The following ATP2B1 variants were observed in gnomAD, a reference collection of about 807,000 sequenced individuals.
The protein encoded by ATP2B1 is plasma membrane calcium-transporting ATPase 1.
A neutral mutation model predicts 124.2 loss-of-function variants in ATP2B1; 14 were observed. That is an observed-to-expected ratio of 0.11 (90% CI 0.07 to 0.18). The LOEUF (loss-of-function observed/expected upper bound fraction) is 0.18. Among genes scored for constraint, ATP2B1 ranks in the 10% least tolerant of loss-of-function variants. ATP2B1 has a pLI of 1.00. For synonymous variants in ATP2B1, 449 were observed against 492.4 expected, an observed-to-expected ratio of 0.91 and a Z score of 1.17; for missense variants, 763 against 1,466.1, an observed-to-expected ratio of 0.52 and a Z score of 7.83.
At chr12:89,702,438 A>G (rs1464228065) in intron 1 of ATP2B1, among the ~76,000 whole-genome samples, 1 of 152,254 alleles carries the variant, frequency 6.6e-6, no homozygotes, top group African/African-American at 2.4e-5. Context: ...AGATTAAAGC[A>G]GCAGATCTGA....
intron 15 of ATP2B1, among the ~76,000 whole-genome samples, chr12:89,604,661 C>T (rs952437813): frequency 6.6e-6 from 1 of 152,090 alleles, no homozygotes; most frequent in Non-Finnish European, 1.5e-5. Flanking sequence ...AAAAAGCAAA[C>T]AAACTCTATG....
At chr12:89,648,854 C>G (rs1482349111) in intron 2 of ATP2B1, among the ~76,000 whole-genome samples, 5 of 152,268 alleles carry the variant, frequency 3.3e-5, no homozygotes, top group Non-Finnish European at 5.9e-5. Flanking sequence ...AGACTGCTCC[C>G]TGCATCCTGG....
At chr12:89,627,561 C>G (rs187804028) in intron 7 of ATP2B1, 117 bp downstream of exon 7, 1 of 1,111,838 alleles carries the variant, frequency 9.0e-7, no homozygotes, top group Non-Finnish European at 1.3e-6. Flanking sequence ...CCCAAGCTAA[C>G]GTATATTGTT....
At chr12:89,617,075 T>A (rs751547947) in intron 11 of ATP2B1, 36 bp from the exon 12 acceptor site, 12 of 1,525,538 alleles carry the variant, frequency 7.9e-6, no homozygotes, top group Non-Finnish European at 8.2e-6. Flanking sequence ...ATCAATAATT[T>A]AAAAAAATAA....
chr12:89,614,636 C>T (rs1235252120), intron 12 of ATP2B1, among the ~76,000 whole-genome samples: 2 of 152,144 alleles, frequency 1.3e-5, no homozygotes, highest in Non-Finnish European at 2.9e-5. Context: ...AAGCCTTCTT[C>T]CCTAGCTACA....
At chr12:89,684,793 T>C (rs1889767143) in intron 1 of ATP2B1, among the ~76,000 whole-genome samples, 2 of 152,150 alleles carry the variant, frequency 1.3e-5, no homozygotes, top group South Asian at 4.1e-4. Context: ...TCTTGCCTAT[T>C]AACCCATATT....
intron 20 of ATP2B1, chr12:89,598,536 T>A: frequency 6.5e-7 from 1 of 1,531,912 alleles, no homozygotes; most frequent in Admixed American, 1.9e-5. Flanking sequence ...TGAGAAACGT[T>A]AGGTGTGTGA....
At chr12:89,689,923 G>A (rs779725580) in intron 1 of ATP2B1, among the ~76,000 whole-genome samples, 1 of 152,060 alleles carries the variant, frequency 6.6e-6, no homozygotes, top group African/African-American at 2.4e-5. Context: ...GGTCTGAATT[G>A]AATTCCTACT....
intron 1 of ATP2B1, among the ~76,000 whole-genome samples, chr12:89,663,594 TCTAA>T (rs1484319455): frequency 2.6e-5 from 4 of 152,138 alleles, no homozygotes; most frequent in Admixed American, 6.5e-5. Context: ...TAACTCCACA[TCTAA>T]CTAACATCTG....
intron 2 of ATP2B1, among the ~76,000 whole-genome samples, chr12:89,650,473 G>A (rs369778306): frequency 2.0e-5 from 3 of 152,216 alleles, no homozygotes; most frequent in Non-Finnish European, 2.9e-5. Context: ...TAGTTTGGTG[G>A]GGGAGACTGA....
chr12:89,670,368 C>T (rs533027263), intron 1 of ATP2B1, among the ~76,000 whole-genome samples: 1 of 88,250 alleles, frequency 1.1e-5, no homozygotes, highest in Non-Finnish European at 2.5e-5. Context: ...AAAATAAAAC[C>T]GAATTTTTTT....
At chr12:89,634,308 T>A (rs1035762222) in intron 5 of ATP2B1, among the ~76,000 whole-genome samples, 1 of 152,122 alleles carries the variant, frequency 6.6e-6, no homozygotes, top group Admixed American at 6.6e-5. Flanking sequence ...GTTAAAGGAG[T>A]TGGATTAGGT....
At chr12:89,655,545 T>C (rs1353605074) in intron 2 of ATP2B1, 134 bp downstream of exon 2, 1 of 809,192 alleles carries the variant, frequency 1.2e-6, no homozygotes, top group Admixed American at 2.6e-5. Flanking sequence ...ATCTGATAAC[T>C]AACCCATTTT....
intron 2 of ATP2B1, among the ~76,000 whole-genome samples, chr12:89,649,790 G>A (rs1280467425): frequency 6.6e-6 from 1 of 152,202 alleles, no homozygotes; most frequent in East Asian, 1.9e-4. Flanking sequence ...GTGGGGTCTA[G>A]TGGGAGGTGA....
chr12:89,700,012 ATT>A (rs34709694), intron 1 of ATP2B1, among the ~76,000 whole-genome samples: 38 of 133,198 alleles, frequency 2.9e-4, no homozygotes, highest in Admixed American at 2.3e-4. Context: ...GCCTGGCTAA[ATT>A]TTTTTTTTTT....
At chr12:89,659,250 G>A (rs1456289487) in intron 1 of ATP2B1, among the ~76,000 whole-genome samples, 1 of 151,878 alleles carries the variant, frequency 6.6e-6, no homozygotes, top group African/African-American at 2.4e-5. Flanking sequence ...CCAAGAAGAG[G>A]GAGATTTTAA....
intron 2 of ATP2B1, among the ~76,000 whole-genome samples, chr12:89,655,327 T>C (rs1433055504): frequency 6.6e-6 from 1 of 152,170 alleles, no homozygotes; most frequent in Non-Finnish European, 1.5e-5. Flanking sequence ...TGAAGGATAG[T>C]GATCTGAGAG....
At chr12:89,695,966 G>T (rs945972047) in intron 1 of ATP2B1, among the ~76,000 whole-genome samples, 12 of 152,142 alleles carry the variant, frequency 7.9e-5, no homozygotes, top group Admixed American at 4.6e-4. Context: ...ATAAGATGCA[G>T]AAGTCCAGTG....
At position 89,603,406 on chromosome 12, in the gene ATP2B1, T is replaced by G. The variant is rs1425241551; in HGVS notation, c.2849-152A>C. 1.4e-6 allele frequency: 1 copy of G among 696,680 alleles called. No homozygotes were observed. The highest frequency in any genetic ancestry group is 2.7e-5 in the East Asian group (1 of 36,666). The allele number at this position is 696,680 out of a possible 1,614,324, so 43.2% of individuals were successfully genotyped here. On this transcript the variant is annotated intron_variant, in intron 17 of 20. Transcript: ENST00000428670. This position sits in a 1 kb window ranked among gnomAD's most constrained non-coding sequence, Gnocchi z 4.3. ...AACCTGGGATTATCTAGTACAACTC[T>G]CTTGTTTTATAGGCAAGGAAACAGA...
Sources: allele counts gnomAD v4.1 joint callset (sites outside exome capture counted in the v4.1 genomes callset), GRCh38; gene constraint gnomAD v4.1.1; non-coding constraint Gnocchi (gnomAD v3.1); transcripts MANE v1.5; gene names NCBI Gene and HGNC (gene_info 2026-07-23, HGNC 2026-07-21).